The following OVCH1 variants were observed in gnomAD, a reference collection of about 807,000 sequenced individuals.
OVCH1 encodes ovochymase-1.
Under a neutral mutation model 138.4 loss-of-function variants are expected in OVCH1, and 139 were observed. That is an observed-to-expected ratio of 1.00 (90% CI 0.87 to 1.16). The LOEUF (loss-of-function observed/expected upper bound fraction) is 1.16, where lower values mean the gene tolerates loss of function less well. OVCH1 is among the 50% of genes most tolerant of loss of function. The pLI is 0.00. For missense variants in OVCH1, 1,367 were observed against 1,357.9 expected (o/e 1.01, Z -0.11); for synonymous variants, 453 against 467.8 (o/e 0.97, Z 0.41).
At chr12:29,461,675 C>G (rs754567182) in intron 19 of OVCH1, 179 bp downstream of exon 19, 4 of 818,678 alleles carry the variant, frequency 4.9e-6, no homozygotes, top group Admixed American at 2.1e-5. Flanking sequence ...TCTCTGACAT[C>G]TCAGCAAATT....
the OVCH1 span, among the ~76,000 whole-genome samples, chr12:29,403,092 C>T: frequency 6.6e-6 from 1 of 152,078 alleles, no homozygotes; most frequent in Non-Finnish European, 1.5e-5. Flanking sequence ...AGTATATAAG[C>T]TTTTTGACTT....
chr12:29,429,745 GAATCA>G (rs1592031201), intron 27 of OVCH1, among the ~76,000 whole-genome samples: 1 of 152,106 alleles, frequency 6.6e-6, no homozygotes, highest in Non-Finnish European at 1.5e-5. Flanking sequence ...GAAGTCACTG[GAATCA>G]AATCCAATAC....
chr12:29,480,547 A>G (rs1295135220), intron 8 of OVCH1, among the ~76,000 whole-genome samples: 1 of 152,222 alleles, frequency 6.6e-6, no homozygotes, highest in African/African-American at 2.4e-5. Context: ...GGTCAAGCTA[A>G]GTGAGAGAGG....
At chr12:29,493,439 A>G (rs1351018908) in intron 4 of OVCH1, among the ~76,000 whole-genome samples, 2 of 152,164 alleles carry the variant, frequency 1.3e-5, no homozygotes, top group African/African-American at 4.8e-5. Context: ...TTGGATATCA[A>G]TTATGATCAA....
intron 27 of OVCH1, among the ~76,000 whole-genome samples, chr12:29,429,003 T>C (rs1405815128): frequency 6.6e-6 from 1 of 152,184 alleles, no homozygotes; most frequent in African/African-American, 2.4e-5. Flanking sequence ...GTGCCTCTCA[T>C]GTACAAGGCC....
At chr12:29,441,492 T>C (rs911896284) in intron 25 of OVCH1, among the ~76,000 whole-genome samples, 3 of 152,120 alleles carry the variant, frequency 2.0e-5, no homozygotes, top group African/African-American at 7.2e-5. Context: ...AAGACTTACA[T>C]GTTAGACCTA....
At chr12:29,490,353 T>C (rs1358469283) in intron 5 of OVCH1, among the ~76,000 whole-genome samples, 1 of 152,238 alleles carries the variant, frequency 6.6e-6, no homozygotes, top group Non-Finnish European at 1.5e-5. Context: ...GTGCTAAGAT[T>C]ACAGGCGTGA....
intron 16 of OVCH1, among the ~76,000 whole-genome samples, chr12:29,465,972 A>T (rs7313103): frequency 0.2 from 29,917 of 151,594 alleles, 3,636 homozygotes; most frequent in African/African-American, 0.35. Context: ...CTGGAAACCA[A>T]CATTCTCAGC....
chr12:29,409,960 A>T (rs1940932463), downstream of OVCH1, among the ~76,000 whole-genome samples: 1 of 151,816 alleles, frequency 6.6e-6, no homozygotes, highest in South Asian at 2.1e-4. Context: ...TTTGTAGGTC[A>T]CTCAGGACTT....
intron 14 of OVCH1, among the ~76,000 whole-genome samples, chr12:29,473,687 T>G (rs982620841): frequency 2.0e-5 from 3 of 152,200 alleles, no homozygotes; most frequent in Admixed American, 6.5e-5. Flanking sequence ...AAAATCATAT[T>G]TGTGATGGTT....
chr12:29,413,758 T>G (rs1040500742), intron 3 of OVCH1, among the ~76,000 whole-genome samples: 3 of 152,228 alleles, frequency 2.0e-5, no homozygotes, highest in Non-Finnish European at 4.4e-5. Flanking sequence ...CTTCAGCCTA[T>G]CTGCTATCCT....
intron 21 of OVCH1, among the ~76,000 whole-genome samples, chr12:29,451,884 A>G (rs1438444103): frequency 2.0e-5 from 3 of 152,206 alleles, no homozygotes; most frequent in Non-Finnish European, 4.4e-5. Context: ...CTCCTTTGAG[A>G]TGCAGCTGAA....
At chr12:29,442,501 T>A (rs1429871856) in intron 25 of OVCH1, among the ~76,000 whole-genome samples, 6 of 146,742 alleles carry the variant, frequency 4.1e-5, no homozygotes, top group Non-Finnish European at 9.0e-5. Context: ...AGGGATAGCT[T>A]TAGGAGATAT....
intron 18 of OVCH1, among the ~76,000 whole-genome samples, chr12:29,463,835 C>T (rs1474048235): frequency 6.6e-6 from 1 of 152,138 alleles, no homozygotes; most frequent in East Asian, 1.9e-4. Flanking sequence ...TTCAAGCTCA[C>T]AGATTCCAAA....
intron 8 of OVCH1, among the ~76,000 whole-genome samples, chr12:29,485,317 T>TAAAA (rs869216306): frequency 1.2e-3 from 112 of 89,816 alleles, no homozygotes; most frequent in African/African-American, 2.6e-3. Context: ...ACCCAGTCTT[T>TAAAA]AAAAAAAAAA....
intron 3 of OVCH1, 52 bp downstream of exon 3, chr12:29,496,129 G>C: frequency 6.8e-7 from 1 of 1,480,566 alleles, no homozygotes; most frequent in South Asian, 1.2e-5. Context: ...AAATCTGCCA[G>C]TCGCATAGCC....
intron 27 of OVCH1, among the ~76,000 whole-genome samples, chr12:29,428,729 T>C (rs1387676466): frequency 6.6e-6 from 1 of 152,112 alleles, no homozygotes; most frequent in Non-Finnish European, 1.5e-5. Context: ...GGGGTCAAGG[T>C]CCCTGGAAAA....
downstream of OVCH1, among the ~76,000 whole-genome samples, chr12:29,412,120 A>T (rs185013392): frequency 9.9e-5 from 15 of 152,172 alleles, no homozygotes; most frequent in East Asian, 2.5e-3. Flanking sequence ...CAGGTGCGGG[A>T]TATAATCTCC....
intron 19 of OVCH1, among the ~76,000 whole-genome samples, chr12:29,460,509 TCCACTACA>T (rs1942095556): frequency 1.3e-5 from 2 of 152,216 alleles, no homozygotes; most frequent in East Asian, 3.9e-4. Context: ...TTCCCCACTC[TCCACTACA>T]CCCAGGAGGC....
Sources: gnomAD v4.1 joint callset for allele counts (sites outside exome capture counted in the v4.1 genomes callset) on GRCh38, gnomAD v4.1.1 for gene constraint, MANE v1.5 for transcripts, NCBI Gene and HGNC (gene_info 2026-07-23, HGNC 2026-07-21) for gene names.